OPCML: variants seen among roughly 807,000 people sequenced by gnomAD.
The protein encoded by OPCML is opioid-binding protein/cell adhesion molecule.
In OPCML, 13 loss-of-function variants were observed where a neutral mutation model predicts 37.8. The observed-to-expected ratio is 0.34, with a 90% CI of 0.22 to 0.55. The LOEUF (loss-of-function observed/expected upper bound fraction) is 0.55, where lower values mean the gene tolerates loss of function less well. OPCML is among the 20% of genes least tolerant of loss of function. OPCML has a pLI of 0.91. For synonymous variants in OPCML, 176 were observed against 168.8 expected, an observed-to-expected ratio of 1.04 and a Z score of -0.33; for missense variants, 341 against 435.6, an observed-to-expected ratio of 0.78 and a Z score of 1.93.
In OPCML at chr11:133,174,638, T is replaced by TGG. The variant is rs201745577; in HGVS notation, c.62-231629_62-231628insCC. 2.3e-4 allele frequency among the ~76,000 whole-genome samples: 20 copies of TGG among 87,826 alleles called. No homozygotes were observed. Among genetic ancestry groups the TGG allele is most frequent in the African/African-American group, 2.5e-4 (4 of 15,966 alleles). 57.6% of individuals were successfully genotyped at this position (87,826 alleles called of 152,430 possible). ...AAAATGCTCATGGAATGCTGTTTAG[T>TGG]GAAAAAAAAAAAAAAAAAAAGCAGG... On this transcript the variant is annotated intron_variant, in intron 1 of 7. Coordinates refer to ENST00000524381, the MANE Select transcript of OPCML (RefSeq NM_001012393.5). This position sits in a 1 kb window ranked among gnomAD's most constrained non-coding sequence, Gnocchi z 4.6.
chr11:132,462,761 G>C lies in OPCML; in HGVS notation c.506-25402C>G, dbSNP rs542256284. Among the ~76,000 whole-genome samples, 4 of 152,312 alleles carry C rather than the reference G, an allele frequency of 2.6e-5. No individual in the cohort carries two copies. The East Asian group carries it at 7.7e-4, about 29-fold the overall frequency. ...TTAGATAAACATGAAATTCATGGCAGTAAAGTGAAATTCTACAGAAAGAGG... is the reference window on the plus strand; with the variant it reads ...TTAGATAAACATGAAATTCATGGCACTAAAGTGAAATTCTACAGAAAGAGG... On this transcript the variant is annotated intron_variant, in intron 4 of 7. Coordinates refer to ENST00000524381, the MANE Select transcript of OPCML (RefSeq NM_001012393.5).
At chr11:132,777,596 G>T (rs1380149789) in intron 2 of OPCML, among the ~76,000 whole-genome samples, 3 of 152,134 alleles carry the variant, frequency 2.0e-5, no homozygotes, top group Non-Finnish European at 4.4e-5. Flanking sequence ...AACATTCTGT[G>T]ACAGAATATA....
chr11:133,362,803 T>C (rs1424067948), intron 1 of OPCML, among the ~76,000 whole-genome samples: 4 of 151,764 alleles, frequency 2.6e-5, no homozygotes, highest in South Asian at 2.1e-4. Flanking sequence ...AAATCAACAC[T>C]GTCCCACGTC....
chr11:132,986,747 A>T (rs1286336892), intron 1 of OPCML, among the ~76,000 whole-genome samples: 1 of 152,178 alleles, frequency 6.6e-6, no homozygotes, highest in Non-Finnish European at 1.5e-5. Context: ...AAACACTAAA[A>T]TGAGAATGGG....
intron 1 of OPCML, among the ~76,000 whole-genome samples, chr11:133,113,561 C>G (rs1259729241): frequency 1.3e-5 from 2 of 152,334 alleles, no homozygotes; most frequent in East Asian, 3.9e-4. Flanking sequence ...TTTTCTGACT[C>G]AAACTTGATT....
At chr11:132,969,417 T>C (rs1372488606) in intron 1 of OPCML, among the ~76,000 whole-genome samples, 1 of 152,200 alleles carries the variant, frequency 6.6e-6, no homozygotes, top group African/African-American at 2.4e-5. Flanking sequence ...GTTTTCACAT[T>C]TATCCTGCTT....
chr11:133,279,382 G>C (rs1942078241), intron 1 of OPCML, among the ~76,000 whole-genome samples: 1 of 152,152 alleles, frequency 6.6e-6, no homozygotes, highest in South Asian at 2.1e-4. Flanking sequence ...TCAGTGCTAT[G>C]AGCCTCCCAA....
chr11:133,149,823 C>G, intron 1 of OPCML, among the ~76,000 whole-genome samples: 1 of 152,204 alleles, frequency 6.6e-6, no homozygotes, highest in Admixed American at 6.5e-5. Context: ...GGATCCAAAG[C>G]CTGACCATTC....
intron 1 of OPCML, among the ~76,000 whole-genome samples, chr11:133,167,527 CTTT>C (rs67384165): frequency 7.0e-6 from 1 of 143,470 alleles, no homozygotes; most frequent in African/African-American, 2.6e-5. Context: ...CTTTCTTTCT[CTTT>C]TTTTTTTTTT....
At position 133,173,937 on chromosome 11, in the gene OPCML, C is replaced by T. The variant is rs1054815691; in HGVS notation, c.62-230927G>A. On this transcript the variant is annotated intron_variant, in intron 1 of 7. Coordinates refer to ENST00000524381, the MANE Select transcript of OPCML (RefSeq NM_001012393.5). The surrounding 1 kb of genome is among the most constrained non-coding windows in gnomAD (Gnocchi z 7.8). ...GGCCGGCACTGGAGCAGCCCTCTCC[C>T]TCCATCCATTCTACAAGGATCCCCA... 1.3e-5 allele frequency among the ~76,000 whole-genome samples: 2 copies of T among 152,174 alleles called. No individual in the cohort carries two copies. The highest frequency in any genetic ancestry group is 6.5e-5 in the Admixed American group (1 of 15,286).
intron 1 of OPCML, among the ~76,000 whole-genome samples, chr11:133,107,699 C>G (rs1198317422): frequency 6.6e-6 from 1 of 152,172 alleles, no homozygotes. Context: ...GTTGTCATTC[C>G]TTTCACTGGC....
intron 1 of OPCML, among the ~76,000 whole-genome samples, chr11:132,970,765 T>C (rs1591861716): frequency 6.6e-6 from 1 of 152,152 alleles, no homozygotes. Flanking sequence ...GCCAGTTCTG[T>C]CTTTTCTTCT....
intron 2 of OPCML, among the ~76,000 whole-genome samples, chr11:132,864,339 C>G (rs942742197): frequency 3.3e-5 from 5 of 152,180 alleles, no homozygotes. Flanking sequence ...AGCAAACCTT[C>G]AGAAGGTGAA....
intron 1 of OPCML, among the ~76,000 whole-genome samples, chr11:132,951,667 A>G (rs1405224838): frequency 6.6e-6 from 1 of 152,216 alleles, no homozygotes; most frequent in Non-Finnish European, 1.5e-5. Flanking sequence ...AAAGAGGCCT[A>G]ATTCCCCATT....
chr11:132,859,994 A>G (rs1942233294), intron 2 of OPCML: 1 of 152,198 alleles, frequency 6.6e-6, no homozygotes, highest in African/African-American at 2.4e-5. Flanking sequence ...TGCATGCACA[A>G]TATTACCATA....
intron 3 of OPCML, among the ~76,000 whole-genome samples, chr11:132,585,128 C>A (rs934320043): frequency 6.9e-6 from 1 of 144,574 alleles, no homozygotes; most frequent in East Asian, 1.9e-4. Context: ...TTTAAATTAA[C>A]AATTCTCCAC....
At chr11:132,862,527 A>G (rs1283368571) in intron 2 of OPCML, among the ~76,000 whole-genome samples, 2 of 151,524 alleles carry the variant, frequency 1.3e-5, no homozygotes, top group African/African-American at 2.4e-5. Context: ...TGCACATGGC[A>G]TCTCATAGGT....
intron 1 of OPCML, among the ~76,000 whole-genome samples, chr11:133,060,071 C>CA (rs2136986072): frequency 6.6e-6 from 1 of 152,074 alleles, no homozygotes; most frequent in South Asian, 2.1e-4. Context: ...ATTTTAAGGC[C>CA]GTTCCTTTCT....
At chr11:133,028,604 G>T (rs1429900031) in intron 1 of OPCML, among the ~76,000 whole-genome samples, 1 of 151,570 alleles carries the variant, frequency 6.6e-6, no homozygotes, top group African/African-American at 2.4e-5. Context: ...GAATTGTACA[G>T]ACTACTCAGT....
Sources: allele counts gnomAD v4.1 joint callset (sites outside exome capture counted in the v4.1 genomes callset), GRCh38; gene constraint gnomAD v4.1.1; non-coding constraint Gnocchi (gnomAD v3.1); transcripts MANE v1.5; gene names NCBI Gene and HGNC (gene_info 2026-07-23, HGNC 2026-07-21).